CFDP1: variants seen among roughly 807,000 people sequenced by gnomAD.
CFDP1 encodes heterochromatin-stabilizing protein CFDP1.
A neutral mutation model predicts 40.1 loss-of-function variants in CFDP1; 31 were observed. The ratio of observed to expected loss-of-function variants is 0.77; its 90% CI spans 0.58 to 1.04. The LOEUF is 1.04. Among genes scored for constraint, CFDP1 ranks in the 50% least tolerant of loss-of-function variants. The pLI is 0.00. For synonymous variants in CFDP1, 167 were observed against 120.0 expected, an observed-to-expected ratio of 1.39 and a Z score of -2.56; for missense variants, 423 against 343.4, an observed-to-expected ratio of 1.23 and a Z score of -1.83.
At chr16:75,407,654 CAAAAA>C (rs11456525) in intron 4 of CFDP1, among the ~76,000 whole-genome samples, 1 of 116,794 alleles carries the variant, frequency 8.6e-6, no homozygotes. Flanking sequence ...GACCCTGTCT[CAAAAA>C]AAAAAAAAAA....
Position 75,422,790 on chromosome 16 carries a change from G to A in CFDP1, c.65-8095C>T, listed in dbSNP as rs889694145. On this transcript the variant is annotated intron_variant, in intron 1 of 6. Transcript: ENST00000283882. The stretch of plus-strand genomic sequence containing the variant: ...GAGGCCAGGAGTTCAACGTGTCACT[G>A]AGCTGTGATCTTGCCACTGCACTCC... Among the ~76,000 whole-genome samples, 10 of 152,038 alleles carry A rather than the reference G, an allele frequency of 6.6e-5. No individual in the cohort carries two copies. In the East Asian group the frequency reaches 1.7e-3, roughly 26 times the overall value.
At chr16:75,309,324 C>A (rs113789753) in intron 5 of CFDP1, among the ~76,000 whole-genome samples, 1 of 152,110 alleles carries the variant, frequency 6.6e-6, no homozygotes, top group Non-Finnish European at 1.5e-5. Flanking sequence ...GAAGCCGAGG[C>A]GGGAGAGAAT....
chr16:75,321,128 AATT>A (rs974884581), intron 5 of CFDP1, among the ~76,000 whole-genome samples: 5 of 151,846 alleles, frequency 3.3e-5, no homozygotes, highest in Non-Finnish European at 7.4e-5. Flanking sequence ...TATTTTAATA[AATT>A]ATTATTATTA....
In CFDP1 at chr16:75,345,472, C is replaced by CA. The variant is rs138612229; in HGVS notation, c.651-40291dup. ...ACTCTGTCTCAAAAACAAAACAAAA[C>CA]AAAAAAAAACAAAACATTATCTGGG... On this transcript the variant is annotated intron_variant, in intron 5 of 6. Coordinates refer to ENST00000283882, the MANE Select transcript of CFDP1 (RefSeq NM_006324.3). Among the ~76,000 whole-genome samples the CA allele has an allele frequency of 1.6e-3, 245 of 149,948 alleles. 2 individuals are homozygous for CA. Among genetic ancestry groups the CA allele is most frequent in the African/African-American group, 5.1e-3 (207 of 40,868 alleles).
At chr16:75,338,907 T>C (rs2078508630) in intron 5 of CFDP1, among the ~76,000 whole-genome samples, 1 of 152,196 alleles carries the variant, frequency 6.6e-6, no homozygotes, top group Non-Finnish European at 1.5e-5. Context: ...AACTTGATCC[T>C]TGATATTTTA....
chr16:75,371,173 G>A (rs1049318187), intron 5 of CFDP1, among the ~76,000 whole-genome samples: 5 of 152,120 alleles, frequency 3.3e-5, no homozygotes, highest in South Asian at 2.1e-4. Flanking sequence ...CCTTTGTACC[G>A]CAGGATGTTT....
intron 6 of CFDP1, among the ~76,000 whole-genome samples, chr16:75,299,607 A>T (rs2078208496): frequency 6.6e-6 from 1 of 151,928 alleles, no homozygotes; most frequent in African/African-American, 2.4e-5. Context: ...AAAAAAAAAA[A>T]AATTCGAATC....
chr16:75,366,392 G>C (rs2078713872), intron 5 of CFDP1, among the ~76,000 whole-genome samples: 1 of 152,110 alleles, frequency 6.6e-6, no homozygotes, highest in South Asian at 2.1e-4. Context: ...TATAATTTCA[G>C]CACTTTGGGA....
intron 5 of CFDP1, among the ~76,000 whole-genome samples, chr16:75,379,395 G>A (rs372143921): frequency 4.2e-4 from 63 of 151,556 alleles, no homozygotes; most frequent in African/African-American, 9.7e-5. Context: ...TAATGAAATG[G>A]GATATCACTA....
chr16:75,333,682 C>T (rs1355979579), intron 5 of CFDP1, among the ~76,000 whole-genome samples: 1 of 152,090 alleles, frequency 6.6e-6, no homozygotes, highest in Non-Finnish European at 1.5e-5. Context: ...TCTGCTGAGC[C>T]AACGGTGATC....
At chr16:75,346,531 C>T (rs1036053261) in intron 5 of CFDP1, among the ~76,000 whole-genome samples, 16 of 128,676 alleles carry the variant, frequency 1.2e-4, no homozygotes, top group African/African-American at 3.0e-4. Context: ...TGCAGTGAGC[C>T]GTGATCATGC....
chr16:75,313,854 TAG>T (rs1321088072), intron 5 of CFDP1, among the ~76,000 whole-genome samples: 2 of 150,676 alleles, frequency 1.3e-5, no homozygotes, highest in African/African-American at 2.4e-5. Context: ...AGATTTCTTA[TAG>T]AGTCAAATGA....
rs112989640 is a variant in CFDP1 at position 75,316,332 on chromosome 16, C to T, written c.651-11150G>A. ...AGGAAGTTCAGAAAGTTGACCGCTTCTTATTTCTTATGCCTCACTCTATAA... is the reference window on the plus strand; with the variant it reads ...AGGAAGTTCAGAAAGTTGACCGCTTTTTATTTCTTATGCCTCACTCTATAA... On this transcript the variant is annotated intron_variant, in intron 5 of 6. Coordinates refer to ENST00000283882, the MANE Select transcript of CFDP1 (RefSeq NM_006324.3). 6.7e-3 allele frequency among the ~76,000 whole-genome samples: 1,026 copies of T among 152,218 alleles called. 4 individuals carry two copies. The highest frequency in any genetic ancestry group is 0.01 in the Non-Finnish European group (708 of 67,990).
intron 5 of CFDP1, among the ~76,000 whole-genome samples, chr16:75,349,102 C>G (rs1191598598): frequency 6.6e-6 from 1 of 152,132 alleles, no homozygotes; most frequent in Non-Finnish European, 1.5e-5. Context: ...TTCCTGGCCT[C>G]AAGCAATTCA....
intron 5 of CFDP1, among the ~76,000 whole-genome samples, chr16:75,351,548 T>A (rs2078611087): frequency 6.6e-6 from 1 of 152,216 alleles, no homozygotes; most frequent in Non-Finnish European, 1.5e-5. Flanking sequence ...TCAATAAGGA[T>A]AATGACTGCA....
intron 1 of CFDP1, among the ~76,000 whole-genome samples, chr16:75,429,132 AG>A (rs2079378957): frequency 6.6e-6 from 1 of 152,138 alleles, no homozygotes; most frequent in African/African-American, 2.4e-5. Context: ...AAAAGAAAAA[AG>A]AAAATGGGAA....
At chr16:75,312,406 C>CA (rs2078298414) in intron 5 of CFDP1, among the ~76,000 whole-genome samples, 2 of 151,936 alleles carry the variant, frequency 1.3e-5, no homozygotes, top group Non-Finnish European at 1.5e-5. Context: ...ACAGTGCCAG[C>CA]AAAAAAAGTG....
chr16:75,351,666 G>C (rs891592230), intron 5 of CFDP1, among the ~76,000 whole-genome samples: 2 of 152,086 alleles, frequency 1.3e-5, no homozygotes, highest in African/African-American at 2.4e-5. Flanking sequence ...GAAAATGAAA[G>C]GGAAAATACT....
intron 4 of CFDP1, among the ~76,000 whole-genome samples, chr16:75,397,107 G>T (rs1467455758): frequency 1.3e-5 from 2 of 151,742 alleles, no homozygotes; most frequent in Non-Finnish European, 2.9e-5. Flanking sequence ...GTAGAGATGG[G>T]GTTTCACCGT....
Sources: gnomAD v4.1 joint callset for allele counts (sites outside exome capture counted in the v4.1 genomes callset) on GRCh38, gnomAD v4.1.1 for gene constraint, MANE v1.5 for transcripts, NCBI Gene and HGNC (gene_info 2026-07-23, HGNC 2026-07-21) for gene names.